Variants in UNC5C observed in about 807,000 individuals in gnomAD.
The protein encoded by UNC5C is netrin receptor UNC5C.
UNC5C carries 47 observed loss-of-function variants against 99.8 expected under a neutral mutation model. The ratio of observed to expected loss-of-function variants is 0.47; its 90% CI spans 0.37 to 0.60. UNC5C has a LOEUF of 0.60. Among genes scored for constraint, UNC5C ranks in the 20% least tolerant of loss-of-function variants. UNC5C has a pLI of 0.00. For missense variants in UNC5C, 1,062 were observed against 1,165.9 expected, an observed-to-expected ratio of 0.91 and a Z score of 1.30; for synonymous variants, 487 against 452.2, an observed-to-expected ratio of 1.08 and a Z score of -0.98.
At chr4:95,256,959 C>T (rs77968310) in intron 4 of UNC5C, among the ~76,000 whole-genome samples, 2,328 of 152,020 alleles carry the variant, frequency 0.015, 133 homozygotes, top group Admixed American at 0.1. Context: ...TTTATCCTGG[C>T]TGTGCTGGCA....
intron 1 of UNC5C, among the ~76,000 whole-genome samples, chr4:95,510,685 G>T (rs1472505409): frequency 1.3e-5 from 2 of 151,972 alleles, no homozygotes; most frequent in Admixed American, 1.3e-4. Context: ...GACTTTCCCA[G>T]GCAAGTTGTC....
chr4:95,308,117 A>T (rs896901756), intron 2 of UNC5C, among the ~76,000 whole-genome samples: 2 of 152,220 alleles, frequency 1.3e-5, no homozygotes, highest in African/African-American at 4.8e-5. Context: ...AGATGGATCA[A>T]TTATGCAAGA....
chr4:95,314,671 C>T (rs1244197801), intron 2 of UNC5C, among the ~76,000 whole-genome samples: 1 of 152,186 alleles, frequency 6.6e-6, no homozygotes, highest in Non-Finnish European at 1.5e-5. Context: ...GCTTCCTTCA[C>T]TTTCCAACTA....
At chr4:95,476,911 C>T (rs1161949786) in intron 1 of UNC5C, among the ~76,000 whole-genome samples, 2 of 152,074 alleles carry the variant, frequency 1.3e-5, no homozygotes, top group African/African-American at 4.8e-5. Flanking sequence ...GGTCTGTGCT[C>T]TTTTCCACAA....
intron 7 of UNC5C, among the ~76,000 whole-genome samples, chr4:95,224,178 G>T (rs1479937322): frequency 6.6e-6 from 1 of 152,204 alleles, no homozygotes; most frequent in Non-Finnish European, 1.5e-5. Context: ...GGCTACTCAG[G>T]AGGCTGAGGT....
intron 14 of UNC5C, among the ~76,000 whole-genome samples, chr4:95,176,932 T>A (rs1343390435): frequency 1.4e-5 from 2 of 142,094 alleles, no homozygotes; most frequent in Admixed American, 1.5e-4. Flanking sequence ...AGGTGCGGGA[T>A]ATAATCTCCT....
At chr4:95,269,795 C>A (rs968005788) in intron 4 of UNC5C, among the ~76,000 whole-genome samples, 1 of 151,994 alleles carries the variant, frequency 6.6e-6, no homozygotes, top group Admixed American at 6.5e-5. Flanking sequence ...TCACTGCAAC[C>A]TCTGCCTCCT....
At chr4:95,199,758 AC>A (rs1181689250) in intron 12 of UNC5C, among the ~76,000 whole-genome samples, 8 of 152,146 alleles carry the variant, frequency 5.3e-5, no homozygotes, top group Non-Finnish European at 8.8e-5. Context: ...CTTCTATGGT[AC>A]GCTTTTGCAA....
intron 14 of UNC5C, among the ~76,000 whole-genome samples, chr4:95,175,895 T>A (rs1157240374): frequency 3.3e-5 from 5 of 151,638 alleles, no homozygotes; most frequent in African/African-American, 1.2e-4. Flanking sequence ...CAGATGTAGA[T>A]TTGGTCTTTC....
intron 1 of UNC5C, among the ~76,000 whole-genome samples, chr4:95,391,255 A>T (rs987990939): frequency 6.6e-6 from 1 of 152,146 alleles, no homozygotes; most frequent in African/African-American, 2.4e-5. Flanking sequence ...GGACTAATAG[A>T]ACCCAGCTAA....
intron 1 of UNC5C, among the ~76,000 whole-genome samples, chr4:95,377,049 T>C (rs1744916535): frequency 6.6e-6 from 1 of 152,226 alleles, no homozygotes; most frequent in South Asian, 2.1e-4. Context: ...GGGAAATCAC[T>C]GTTCAGTAGT....
chr4:95,276,194 G>T (rs1740853824), intron 4 of UNC5C, among the ~76,000 whole-genome samples: 1 of 149,396 alleles, frequency 6.7e-6, no homozygotes, highest in Non-Finnish European at 1.5e-5. Flanking sequence ...TCTGATCTTG[G>T]TGATTTTAAT....
intron 1 of UNC5C, among the ~76,000 whole-genome samples, chr4:95,387,995 G>A (rs1362008876): frequency 6.6e-6 from 1 of 152,148 alleles, no homozygotes; most frequent in African/African-American, 2.4e-5. Context: ...TATTCAATGA[G>A]TAAGCACATT....
intron 1 of UNC5C, among the ~76,000 whole-genome samples, chr4:95,363,459 T>C (rs1744458013): frequency 6.6e-6 from 1 of 152,202 alleles, no homozygotes; most frequent in Admixed American, 6.5e-5. Flanking sequence ...TACTTTCACA[T>C]TGTTGCCTCA....
rs191707749 is a variant in UNC5C at position 95,389,986 on chromosome 4, A to G, written c.125-54355T>C. ...GTTCTATTGGACAGCATTACGCTAG[A>G]AAGTATGACTGTAAGTTCATTAATT... On this transcript the variant is annotated intron_variant, in intron 1 of 15. Coordinates refer to ENST00000453304, the MANE Select transcript of UNC5C (RefSeq NM_003728.4). 3.7e-4 allele frequency among the ~76,000 whole-genome samples: 56 copies of G among 152,330 alleles called. 1 individual carries two copies. Among genetic ancestry groups the G allele is most frequent in the Non-Finnish European group, 1.6e-4 (11 of 68,028 alleles).
intron 1 of UNC5C, among the ~76,000 whole-genome samples, chr4:95,386,633 C>T (rs1048711092): frequency 1.1e-4 from 17 of 152,166 alleles, no homozygotes; most frequent in Non-Finnish European, 1.5e-4. Flanking sequence ...CTTTGAGATG[C>T]AGATGATCTC....
chr4:95,218,386 A>G (rs778681851), intron 9 of UNC5C, among the ~76,000 whole-genome samples: 17 of 152,216 alleles, frequency 1.1e-4, no homozygotes, highest in Non-Finnish European at 2.4e-4. Flanking sequence ...AAACCAAGTA[A>G]TAGTACAAAA....
intron 1 of UNC5C, among the ~76,000 whole-genome samples, chr4:95,394,441 C>T (rs764334842): frequency 2.6e-5 from 4 of 152,054 alleles, no homozygotes; most frequent in South Asian, 2.1e-4. Context: ...TGCCAAAGGG[C>T]GAAAACTGGA....
At chr4:95,269,459 T>C (rs1478780052) in intron 4 of UNC5C, among the ~76,000 whole-genome samples, 1 of 152,086 alleles carries the variant, frequency 6.6e-6, no homozygotes, top group Non-Finnish European at 1.5e-5. Context: ...TTTTTATTTT[T>C]TTATTTTTTG....
Sources: allele counts gnomAD v4.1 joint callset (sites outside exome capture counted in the v4.1 genomes callset), GRCh38; gene constraint gnomAD v4.1.1; transcripts MANE v1.5; gene names NCBI Gene and HGNC (gene_info 2026-07-23, HGNC 2026-07-21).